Variants in PDCL2 observed in about 807,000 individuals in gnomAD.
The protein encoded by PDCL2 is phosducin like 2.
PDCL2 carries 23 observed loss-of-function variants against 30.3 expected under a neutral mutation model. The ratio of observed to expected loss-of-function variants is 0.76; its 90% CI spans 0.55 to 1.08. The LOEUF is 1.08. Ranked by LOEUF, PDCL2 falls within the 50% of genes least tolerant of loss-of-function variation. The probability of loss-of-function intolerance (pLI) is 0.00; values close to 1 mark genes in which losing one functional copy is unlikely to be tolerated. For missense variants in PDCL2, 243 were observed against 282.3 expected, an observed-to-expected ratio of 0.86 and a Z score of 1.00; for synonymous variants, 68 against 86.2, an observed-to-expected ratio of 0.79 and a Z score of 1.17.
In PDCL2 at chr4:55,583,468, A is replaced by T. The variant is rs114821957; in HGVS notation, c.7-1231T>A. 4.4e-3 allele frequency among the ~76,000 whole-genome samples: 665 copies of T among 152,240 alleles called. 2 individuals are homozygous for T. Among genetic ancestry groups the T allele is most frequent in the Non-Finnish European group, 6.3e-3 (427 of 68,014 alleles). Reference sequence around the variant, plus strand: ...TTTGTTGACTGAGCTTGGGGGATTAAATCCAAAAATTCACTGCTTGGACCA... The same window carrying T: ...TTTGTTGACTGAGCTTGGGGGATTATATCCAAAAATTCACTGCTTGGACCA... On this transcript the variant is annotated intron_variant, in intron 1 of 5. Coordinates refer to ENST00000295645, the MANE Select transcript of PDCL2 (RefSeq NM_152401.3).
chr4:55,576,691 G>A (rs139197547), intron 3 of PDCL2, among the ~76,000 whole-genome samples: 452 of 152,182 alleles, frequency 3.0e-3, no homozygotes, highest in Non-Finnish European at 4.8e-3. Flanking sequence ...AGAAAAATCA[G>A]CTAACTGTGA....
chr4:55,567,808 A>T (rs1234685482), intron 4 of PDCL2, among the ~76,000 whole-genome samples: 1 of 152,140 alleles, frequency 6.6e-6, no homozygotes, highest in African/African-American at 2.4e-5. Context: ...CTAAAGGGAG[A>T]TCATATCCAA....
chr4:55,589,122 G>A (rs1182412722), intron 1 of PDCL2, among the ~76,000 whole-genome samples: 1 of 152,184 alleles, frequency 6.6e-6, no homozygotes, highest in African/African-American at 2.4e-5. Flanking sequence ...GCCTCCCAAA[G>A]TGCTGGTATT....
At chr4:55,581,042 C>T (rs888093027) in intron 2 of PDCL2, 131 bp from the exon 3 acceptor site, 1 of 593,878 alleles carries the variant, frequency 1.7e-6, no homozygotes, top group East Asian at 3.2e-5. Context: ...GCGATGGAAT[C>T]CCAGTACTTT....
intron 1 of PDCL2, among the ~76,000 whole-genome samples, chr4:55,584,234 G>GTTT (rs112718898): frequency 2.8e-5 from 4 of 144,544 alleles, no homozygotes; most frequent in African/African-American, 1.1e-4. Context: ...AATGTTACTA[G>GTTT]TTTTTTTTTG....
At chr4:55,562,721 A>ATTATTATC in intron 4 of PDCL2, 109 bp from the exon 5 acceptor site, 1 of 682,200 alleles carries the variant, frequency 1.5e-6, no homozygotes. Context: ...GATTAATATA[A>ATTATTATC]AAGCACATTA....
chr4:55,564,058 C>T (rs1173952694), intron 4 of PDCL2, among the ~76,000 whole-genome samples: 1 of 152,178 alleles, frequency 6.6e-6, no homozygotes, highest in Non-Finnish European at 1.5e-5. Context: ...GTTTTGCTGG[C>T]TCTCTGAACA....
chr4:55,557,102 T>G (rs1186452560), intron 5 of PDCL2, among the ~76,000 whole-genome samples: 2 of 152,242 alleles, frequency 1.3e-5, no homozygotes, highest in African/African-American at 4.8e-5. Context: ...CCTCCCAAAG[T>G]GCTGGGATTA....
chr4:55,586,214 C>T (rs1229356837), intron 1 of PDCL2, among the ~76,000 whole-genome samples: 1 of 152,064 alleles, frequency 6.6e-6, no homozygotes, highest in Non-Finnish European at 1.5e-5. Context: ...TCTTCTTTGA[C>T]CCATTGGTTG....
chr4:55,584,156 T>G (rs1732797445), intron 1 of PDCL2, among the ~76,000 whole-genome samples: 1 of 152,258 alleles, frequency 6.6e-6, no homozygotes, highest in South Asian at 2.1e-4. Flanking sequence ...ATTTACTTTT[T>G]TGTAAATATT....
At chr4:55,572,813 T>C (rs1392250911) in intron 3 of PDCL2, among the ~76,000 whole-genome samples, 2 of 152,072 alleles carry the variant, frequency 1.3e-5, no homozygotes, top group African/African-American at 4.8e-5. Flanking sequence ...CAGGCCGGAG[T>C]GCAGTGGGTG....
chr4:55,571,756 A>G (rs1304605160), intron 3 of PDCL2, among the ~76,000 whole-genome samples: 2 of 150,824 alleles, frequency 1.3e-5, no homozygotes, highest in Admixed American at 6.6e-5. Flanking sequence ...CTTACTTTAC[A>G]TAACCAGTAA....
chr4:55,569,930 T>C, intron 3 of PDCL2, 69 bp from the exon 4 acceptor site: 1 of 1,191,166 alleles, frequency 8.4e-7, no homozygotes, highest in Non-Finnish European at 1.1e-6. Context: ...TCATATGTAA[T>C]AACAATTTAG....
chr4:55,585,691 G>A (rs1452428115), intron 1 of PDCL2, among the ~76,000 whole-genome samples: 1 of 152,122 alleles, frequency 6.6e-6, no homozygotes, highest in Non-Finnish European at 1.5e-5. Context: ...TCGTTGATGG[G>A]AGCCTTTTAA....
intron 5 of PDCL2, among the ~76,000 whole-genome samples, chr4:55,557,938 T>C (rs1732014730): frequency 9.2e-6 from 1 of 108,200 alleles, no homozygotes; most frequent in South Asian, 3.7e-4. Flanking sequence ...AAACTCCATC[T>C]CTACTAAAAA....
rs1732373478 is a variant in PDCL2 at position 55,569,807 on chromosome 4, T to C, written c.273A>G (p.Glu91=). The part of the protein sequence containing the change: ...KALKKKQKFG[E]LREISGNQYV... Reference sequence around the variant, plus strand: ...ACTGATTTCCAGAAATTTCTCTTAATTCTCCAAATTTTTGTTTTTTCTTAA... The same window carrying C: ...ACTGATTTCCAGAAATTTCTCTTAACTCTCCAAATTTTTGTTTTTTCTTAA... Residue 91 remains glutamate (E), a synonymous_variant, in exon 4 of 6, where the codon GAA becomes GAG. Transcript: ENST00000295645. 6.4e-7 allele frequency: 1 copy of C among 1,562,386 alleles called. No individual in the cohort carries two copies. The highest frequency in any genetic ancestry group is 8.7e-7 in the Non-Finnish European group (1 of 1,152,022).
At chr4:55,560,513 G>T (rs1468772647) in intron 5 of PDCL2, among the ~76,000 whole-genome samples, 4 of 152,138 alleles carry the variant, frequency 2.6e-5, no homozygotes, top group Non-Finnish European at 4.4e-5. Context: ...TACTCAGGAG[G>T]CTAAAGTGGG....
rs2110162193 is a variant in PDCL2 at position 55,576,271 on chromosome 4, T to C, written c.218+4550A>G. Among the ~76,000 whole-genome samples the C allele has an allele frequency of 2.0e-5, 3 of 152,222 alleles. No individual in the cohort carries two copies. In the East Asian group the frequency reaches 5.8e-4, roughly 29 times the overall value. ...ATGCCCAGCTAAATTTTTTGTATTT[T>C]TATTAGAGACGGGGTTTCACCATGT... On this transcript the variant is annotated intron_variant, in intron 3 of 5. Coordinates refer to ENST00000295645, the MANE Select transcript of PDCL2 (RefSeq NM_152401.3).
chr4:55,568,093 A>G lies in PDCL2; in HGVS notation c.362+1625T>C, dbSNP rs182999774. ...GCTATACAGGGTTATATACAGGGCT[A>G]TAATTTGCATAAATTGCTCTGTATA... On this transcript the variant is annotated intron_variant, in intron 4 of 5. Transcript: ENST00000295645. 6.6e-5 allele frequency among the ~76,000 whole-genome samples: 10 copies of G among 152,338 alleles called. No homozygotes were observed. In the East Asian group the frequency reaches 1.9e-3, roughly 29 times the overall value.
Sources: allele counts gnomAD v4.1 joint callset (sites outside exome capture counted in the v4.1 genomes callset), GRCh38; gene constraint gnomAD v4.1.1; transcripts MANE v1.5; gene names NCBI Gene and HGNC (gene_info 2026-07-23, HGNC 2026-07-21).